CHN1: variants seen among roughly 807,000 people sequenced by gnomAD.
CHN1 encodes chimerin 1, also known as N-chimaerin.
Under a neutral mutation model 59.5 loss-of-function variants are expected in CHN1, and 37 were observed. That is an observed-to-expected ratio of 0.62 (90% CI 0.48 to 0.82). The LOEUF is 0.82. Ranked by LOEUF, CHN1 falls within the 40% of genes least tolerant of loss-of-function variation. The pLI, the probability that CHN1 is intolerant of heterozygous loss-of-function variation, is 0.00. For synonymous variants in CHN1, 206 were observed against 200.4 expected (o/e 1.03, Z -0.24); for missense variants, 469 against 571.0 (o/e 0.82, Z 1.82).
intron 4 of CHN1, 92 bp from the exon 5 acceptor site, chr2:174,915,263 T>C (rs1021524868): frequency 6.1e-5 from 59 of 970,744 alleles, no homozygotes; most frequent in Non-Finnish European, 3.0e-5. Context: ...CCTTCTCTTG[T>C]TGTTTTCAAG....
intron 5 of CHN1, among the ~76,000 whole-genome samples, chr2:174,882,078 T>G (rs1464031597): frequency 6.6e-6 from 1 of 152,258 alleles, no homozygotes; most frequent in East Asian, 1.9e-4. Flanking sequence ...TTTTATTATC[T>G]GACTCTGCCC....
chr2:174,877,024 A>G (rs1687585194), intron 6 of CHN1, among the ~76,000 whole-genome samples: 2 of 152,230 alleles, frequency 1.3e-5, no homozygotes, highest in African/African-American at 4.8e-5. Flanking sequence ...ATAAAAATGA[A>G]TTGACACAGT....
At chr2:174,984,270 C>A (rs1691263363) in intron 1 of CHN1, among the ~76,000 whole-genome samples, 2 of 151,780 alleles carry the variant, frequency 1.3e-5, no homozygotes, top group Non-Finnish European at 2.9e-5. Flanking sequence ...ACTCTCTGAT[C>A]CATGTTTCTC....
chr2:174,898,771 C>A (rs953588473), intron 5 of CHN1, among the ~76,000 whole-genome samples: 2 of 151,996 alleles, frequency 1.3e-5, no homozygotes, highest in Admixed American at 1.3e-4. Flanking sequence ...AAAGGTGATC[C>A]TATGTTAACT....
At chr2:174,886,904 T>C (rs893173387) in intron 5 of CHN1, among the ~76,000 whole-genome samples, 1 of 152,234 alleles carries the variant, frequency 6.6e-6, no homozygotes, top group Non-Finnish European at 1.5e-5. Flanking sequence ...CACAATTCAA[T>C]GAGTTTTGGC....
At chr2:174,850,539 T>A (rs1433506789) in intron 6 of CHN1, among the ~76,000 whole-genome samples, 1 of 152,138 alleles carries the variant, frequency 6.6e-6, no homozygotes, top group Admixed American at 6.6e-5. Context: ...CAAAAAAGAT[T>A]ATCTGCAGGG....
rs143010951 is a variant in CHN1, at chr2:174,878,152, T to C, written c.261-24A>G. Reference sequence around the variant, plus strand: ...ATCTGCCTCAATGAAATGGGAAAGATGTTTTTAAGAAAAGTAAGCAACTGA... The same window carrying C: ...ATCTGCCTCAATGAAATGGGAAAGACGTTTTTAAGAAAAGTAAGCAACTGA... On this transcript the variant is annotated intron_variant, in intron 5 of 12. Coordinates refer to ENST00000409900, the MANE Select transcript of CHN1 (RefSeq NM_001822.7). 9.2e-6 allele frequency: 14 copies of C among 1,515,248 alleles called. No individual in the cohort carries two copies. The African/African-American group carries it at 1.8e-4, about 20-fold the overall frequency. The allele number at this position is 1,515,248 out of a possible 1,614,324, so 93.9% of individuals were successfully genotyped here.
chr2:174,804,954 A>T (rs1684841992), intron 11 of CHN1, among the ~76,000 whole-genome samples: 1 of 152,274 alleles, frequency 6.6e-6, no homozygotes, highest in Non-Finnish European at 1.5e-5. Flanking sequence ...TCTTCTCCAG[A>T]ACTCATTTCT....
intron 6 of CHN1, among the ~76,000 whole-genome samples, chr2:174,855,166 G>A (rs1686863430): frequency 6.6e-6 from 1 of 152,120 alleles, no homozygotes; most frequent in Non-Finnish European, 1.5e-5. Context: ...TAGTCAGAAT[G>A]TTCTCTAGGA....
chr2:174,824,532 A>AG lies in CHN1; in HGVS notation c.628-15dup. On this transcript the variant is annotated splice_polypyrimidine_tract_variant and intron_variant, in intron 7 of 12. Coordinates refer to ENST00000409900, the MANE Select transcript of CHN1 (RefSeq NM_001822.7). ...GAATGTATGCACCTGAAAAAAAAAA[A>AG]GAGGGGCAAAGTCAGGAAAGGGGAA... 6.4e-7 allele frequency: 1 copy of AG among 1,555,674 alleles called. No homozygotes were observed. Among genetic ancestry groups the AG allele is most frequent in the Non-Finnish European group, 8.7e-7 (1 of 1,146,000 alleles).
intron 1 of CHN1, among the ~76,000 whole-genome samples, chr2:174,967,583 T>TA (rs1240482909): frequency 3.3e-5 from 5 of 152,100 alleles, no homozygotes; most frequent in Admixed American, 2.0e-4. Context: ...TTCCAGATAT[T>TA]AAAAAAATGT....
chr2:174,993,188 C>G lies in CHN1; in HGVS notation c.19+11706G>C, dbSNP rs557260245. Among the ~76,000 whole-genome samples, 26 of 148,900 alleles carry G rather than the reference C, an allele frequency of 1.7e-4. 1 individual carries two copies. The South Asian group carries it at 3.6e-3, about 21-fold the overall frequency. On this transcript the variant is annotated intron_variant, in intron 1 of 12. Coordinates refer to ENST00000409900, the MANE Select transcript of CHN1 (RefSeq NM_001822.7). ...TAAGAATCCTGTTATGTCAGTTTAG[C>G]AATAATTCCCCCACCCTTGATGTCT...
At chr2:174,829,872 C>T (rs1235174354) in intron 7 of CHN1, among the ~76,000 whole-genome samples, 1 of 152,034 alleles carries the variant, frequency 6.6e-6, no homozygotes, top group Non-Finnish European at 1.5e-5. Context: ...TTTTTTCTTC[C>T]CTCATTTTTA....
At chr2:174,825,404 C>T (rs1013096747) in intron 7 of CHN1, among the ~76,000 whole-genome samples, 1 of 152,150 alleles carries the variant, frequency 6.6e-6, no homozygotes, top group Non-Finnish European at 1.5e-5. Flanking sequence ...TCAGGAACCT[C>T]GTTTGAGTAC....
At chr2:174,916,841 C>T (rs754427009) in intron 4 of CHN1, among the ~76,000 whole-genome samples, 18 of 152,200 alleles carry the variant, frequency 1.2e-4, no homozygotes, top group Non-Finnish European at 2.4e-4. Context: ...TATATTTTAA[C>T]TTTACATAAT....
At chr2:174,864,915 A>G (rs927682247) in intron 6 of CHN1, among the ~76,000 whole-genome samples, 23 of 152,266 alleles carry the variant, frequency 1.5e-4, no homozygotes, top group African/African-American at 5.5e-4. Flanking sequence ...AATTAGTGCA[A>G]TCTTATGTGT....
rs114193762 is a variant in CHN1, at chr2:174,936,027, A to T, written c.114+8861T>A. Reference sequence around the variant, plus strand: ...ATTGGTATTGTAGTTAGAATTTGAAAACAGTGTAAATTGTGTAATTTTATC... The same window carrying T: ...ATTGGTATTGTAGTTAGAATTTGAATACAGTGTAAATTGTGTAATTTTATC... On this transcript the variant is annotated intron_variant, in intron 3 of 12. Coordinates refer to ENST00000409900, the MANE Select transcript of CHN1 (RefSeq NM_001822.7). Among the ~76,000 whole-genome samples the T allele has an allele frequency of 8.2e-3, 1,242 of 152,314 alleles. 19 individuals carry two copies. Among genetic ancestry groups the T allele is most frequent in the African/African-American group, 0.028 (1,179 of 41,572 alleles).
At chr2:174,852,539 A>C (rs1686768526) in intron 6 of CHN1, among the ~76,000 whole-genome samples, 2 of 152,230 alleles carry the variant, frequency 1.3e-5, no homozygotes, top group Admixed American at 1.3e-4. Flanking sequence ...TATTCCTGTC[A>C]GATTACCAAC....
At chr2:174,997,134 C>A (rs932203178) in intron 1 of CHN1, among the ~76,000 whole-genome samples, 3 of 152,314 alleles carry the variant, frequency 2.0e-5, no homozygotes, top group East Asian at 3.9e-4. Flanking sequence ...ACTAAATATT[C>A]ATCAGATAGA....
Sources: allele counts gnomAD v4.1 joint callset (sites outside exome capture counted in the v4.1 genomes callset), GRCh38; gene constraint gnomAD v4.1.1; transcripts MANE v1.5; gene names NCBI Gene and HGNC (gene_info 2026-07-23, HGNC 2026-07-21).